CACNA2D3: variants seen among roughly 807,000 people sequenced by gnomAD.
CACNA2D3 encodes the protein calcium voltage-gated channel auxiliary subunit alpha2delta 3, also known as voltage-dependent calcium channel subunit alpha-2/delta-3.
A neutral mutation model predicts 160.6 loss-of-function variants in CACNA2D3; 60 were observed. The ratio of observed to expected loss-of-function variants is 0.37; its 90% CI spans 0.30 to 0.46. The LOEUF is 0.46. Ranked by LOEUF, CACNA2D3 falls within the 20% of genes least tolerant of loss-of-function variation. CACNA2D3 has a pLI of 1.00. For synonymous variants in CACNA2D3, 558 were observed against 492.9 expected, an observed-to-expected ratio of 1.13 and a Z score of -1.75; for missense variants, 1,205 against 1,365.0, an observed-to-expected ratio of 0.88 and a Z score of 1.85.
intron 4 of CACNA2D3, among the ~76,000 whole-genome samples, chr3:54,468,651 C>G (rs1388614895): frequency 1.3e-5 from 2 of 152,166 alleles, no homozygotes; most frequent in African/African-American, 4.8e-5. Context: ...CCCACCCCCA[C>G]GGAGTCCAGC....
At chr3:54,940,734 T>G (rs1349208605) in intron 27 of CACNA2D3, among the ~76,000 whole-genome samples, 1 of 152,212 alleles carries the variant, frequency 6.6e-6, no homozygotes, top group Non-Finnish European at 1.5e-5. Flanking sequence ...CCTTTTGCAT[T>G]TATTCTGTGC....
intron 17 of CACNA2D3, among the ~76,000 whole-genome samples, chr3:54,871,013 A>G (rs1259854004): frequency 1.3e-5 from 2 of 150,556 alleles, no homozygotes; most frequent in South Asian, 2.1e-4. Flanking sequence ...CCTTTCTCGT[A>G]TCACGGACTG....
chr3:54,378,541 G>T (rs1699047481), intron 3 of CACNA2D3, among the ~76,000 whole-genome samples: 1 of 152,108 alleles, frequency 6.6e-6, no homozygotes, highest in Non-Finnish European at 1.5e-5. Flanking sequence ...CTATCCCCTT[G>T]GGAAGTTAAA....
intron 2 of CACNA2D3, among the ~76,000 whole-genome samples, chr3:54,288,807 A>G (rs1284462021): frequency 4.6e-5 from 7 of 152,142 alleles, no homozygotes; most frequent in East Asian, 1.9e-4. Context: ...TATAAACAGA[A>G]CCAAAGACAA....
chr3:54,424,853 CG>C (rs1163968968), intron 4 of CACNA2D3, among the ~76,000 whole-genome samples: 1 of 152,224 alleles, frequency 6.6e-6, no homozygotes, highest in Non-Finnish European at 1.5e-5. Context: ...ATTCCTGCAT[CG>C]TCTGCATACC....
chr3:54,797,551 G>A (rs749451651), intron 13 of CACNA2D3, among the ~76,000 whole-genome samples: 1 of 152,170 alleles, frequency 6.6e-6, no homozygotes, highest in African/African-American at 2.4e-5. Context: ...GTATCATACG[G>A]TTTTTTTGGT....
chr3:54,497,727 T>C (rs1368829429), intron 4 of CACNA2D3, among the ~76,000 whole-genome samples: 1 of 152,050 alleles, frequency 6.6e-6, no homozygotes, highest in African/African-American at 2.4e-5. Flanking sequence ...TAATGTCAGA[T>C]ACATGTTTTT....
rs189114731 is a variant in CACNA2D3 at position 54,698,583 on chromosome 3, G to A, written c.1168-54016G>A. ...TAAACACCACAAATACTTGACATTC[G>A]GAAGGGCAAGCGAGGGATTAAAACT... On this transcript the variant is annotated intron_variant, in intron 11 of 37. Transcript: ENST00000474759. Among the ~76,000 whole-genome samples the A allele has an allele frequency of 6.6e-5, 10 of 152,114 alleles. 1 individual carries two copies. In the East Asian group the frequency reaches 1.2e-3, roughly 18 times the overall value.
intron 11 of CACNA2D3, among the ~76,000 whole-genome samples, chr3:54,666,927 AGGTGGAT>A (rs1700078299): frequency 6.6e-6 from 1 of 152,202 alleles, no homozygotes; most frequent in South Asian, 2.1e-4. Context: ...GACTCTGCCC[AGGTGGAT>A]GGCTGCTGAA....
chr3:54,739,425 C>CAAAA (rs780105524), intron 11 of CACNA2D3, among the ~76,000 whole-genome samples: 3 of 85,324 alleles, frequency 3.5e-5, no homozygotes, highest in African/African-American at 4.9e-5. Flanking sequence ...GACTCTGTCT[C>CAAAA]AAAAAAAAAA....
Position 54,386,700 on chromosome 3 carries a change from T to TG in CACNA2D3, c.322-15_322-14insG. The TG allele has an allele frequency of 6.6e-7, 1 of 1,516,148 alleles. No homozygotes were observed. The highest frequency in any genetic ancestry group is 2.1e-5 in the Admixed American group (1 of 47,314). The allele number at this position is 1,516,148 out of a possible 1,614,324, so 93.9% of individuals were successfully genotyped here. A position where few individuals can be genotyped will look rare whatever the true frequency, so the allele number is the denominator to read the frequency against. On this transcript the variant is annotated splice_polypyrimidine_tract_variant and intron_variant, in intron 3 of 37. Transcript: ENST00000474759. ...ATCCTTAATGCTGTCTTCTGTTTTTTTTTTTTTTTTTTAGCGTCTGGTGGA... is the reference window on the plus strand; with the variant it reads ...ATCCTTAATGCTGTCTTCTGTTTTTTGTTTTTTTTTTTTAGCGTCTGGTGGA...
At chr3:54,512,534 C>G (rs1413712865) in intron 5 of CACNA2D3, among the ~76,000 whole-genome samples, 2 of 152,154 alleles carry the variant, frequency 1.3e-5, no homozygotes, top group African/African-American at 4.8e-5. Context: ...TTCTCCTGCA[C>G]CTTGGAAACC....
chr3:54,878,806 G>A (rs374005435), intron 18 of CACNA2D3: 1 of 397,618 alleles, frequency 2.5e-6, no homozygotes, highest in Non-Finnish European at 4.4e-6. Flanking sequence ...AAGTTTACAC[G>A]AGCTCCCCAA....
intron 11 of CACNA2D3, among the ~76,000 whole-genome samples, chr3:54,665,165 T>C (rs1700039804): frequency 6.6e-6 from 1 of 152,192 alleles, no homozygotes. Context: ...TCAGAAACCA[T>C]TGCTGTGGAA....
intron 2 of CACNA2D3, among the ~76,000 whole-genome samples, chr3:54,241,973 A>G (rs1371394513): frequency 2.0e-5 from 3 of 152,222 alleles, no homozygotes; most frequent in Non-Finnish European, 4.4e-5. Context: ...CTTTATCCAA[A>G]GGGAATACAT....
intron 27 of CACNA2D3, among the ~76,000 whole-genome samples, chr3:54,946,018 C>T (rs1391195649): frequency 1.3e-5 from 2 of 152,172 alleles, no homozygotes; most frequent in Admixed American, 6.5e-5. Flanking sequence ...AGCAGGAAAA[C>T]GAGTACCCTG....
chr3:54,582,555 A>G (rs1702695551), intron 9 of CACNA2D3, among the ~76,000 whole-genome samples: 1 of 152,196 alleles, frequency 6.6e-6, no homozygotes, highest in Non-Finnish European at 1.5e-5. Flanking sequence ...CCACCCCTGC[A>G]GGGCCAGTTG....
rs1702463374 is a variant in CACNA2D3 at position 54,569,683 on chromosome 3, T to G, written c.677-112T>G. ...TGTGATGAGCTCTGGGGTTGGTCTT[T>G]GCATGTGATTTTTCACCCTGTCCAT... On this transcript the variant is annotated intron_variant, in intron 6 of 37. Coordinates refer to ENST00000474759, the MANE Select transcript of CACNA2D3 (RefSeq NM_018398.3). 11 of 865,152 alleles carry G rather than the reference T, an allele frequency of 1.3e-5. No homozygotes were observed. In the South Asian group the frequency reaches 1.6e-4, roughly 13 times the overall value. 53.6% of individuals were successfully genotyped at this position (865,152 alleles called of 1,614,324 possible). A position where few individuals can be genotyped will look rare whatever the true frequency, so the allele number is the denominator to read the frequency against.
rs1174082969 is a variant in CACNA2D3, at chr3:54,122,711, A to G, written c.-3A>G. On this transcript the variant is annotated 5_prime_UTR_variant, in exon 1 of 38. Coordinates refer to ENST00000474759, the MANE Select transcript of CACNA2D3 (RefSeq NM_018398.3). Reference sequence around the variant, plus strand: ...GCAGCGGGCGCGTCGGAGGGAGCCCAGCATGGCCGGGCCGGGCTCGCCGCG... The same window carrying G: ...GCAGCGGGCGCGTCGGAGGGAGCCCGGCATGGCCGGGCCGGGCTCGCCGCG... 11 of 1,181,478 alleles carry G rather than the reference A, an allele frequency of 9.3e-6. No individual in the cohort carries two copies. The highest frequency in any genetic ancestry group is 4.6e-5 in the Admixed American group (1 of 21,818). The allele number at this position is 1,181,478 out of a possible 1,614,324, so 73.2% of individuals were successfully genotyped here.
Sources: allele counts gnomAD v4.1 joint callset (sites outside exome capture counted in the v4.1 genomes callset), GRCh38; gene constraint gnomAD v4.1.1; transcripts MANE v1.5; gene names NCBI Gene and HGNC (gene_info 2026-07-23, HGNC 2026-07-21).